The following CLPSL1 variants were observed in gnomAD, a reference collection of about 807,000 sequenced individuals.
CLPSL1 encodes the protein colipase-like protein 1.
CLPSL1 carries 13 observed loss-of-function variants against 9.3 expected under a neutral mutation model. That is an observed-to-expected ratio of 1.40 (90% CI 0.91 to 2.22). The LOEUF (loss-of-function observed/expected upper bound fraction) is 2.22, where lower values mean the gene tolerates loss of function less well. Among genes scored for constraint, CLPSL1 ranks in the 30% most tolerant of loss-of-function variants. The pLI is 0.00. For synonymous variants in CLPSL1, 58 were observed against 56.9 expected, an observed-to-expected ratio of 1.02 and a Z score of -0.08; for missense variants, 164 against 146.6, an observed-to-expected ratio of 1.12 and a Z score of -0.61.
chr6:35,791,562 C>G (rs900724230), downstream of CLPSL1, among the ~76,000 whole-genome samples: 1 of 151,530 alleles, frequency 6.6e-6, no homozygotes, highest in Admixed American at 6.6e-5. Context: ...GAGCCGAGAT[C>G]GTGCCATTGC....
chr6:35,783,175 T>C (rs950211028), intron 1 of CLPSL1, among the ~76,000 whole-genome samples: 2 of 152,080 alleles, frequency 1.3e-5, no homozygotes, highest in Non-Finnish European at 2.9e-5. Context: ...TATAGATTAG[T>C]TTTGAACTTT....
At chr6:35,781,873 G>A (rs1767974227) in intron 1 of CLPSL1, among the ~76,000 whole-genome samples, 1 of 151,878 alleles carries the variant, frequency 6.6e-6, no homozygotes, top group African/African-American at 2.4e-5. Flanking sequence ...AGCCTCCCGA[G>A]TAGCTGAGAT....
downstream of CLPSL1, among the ~76,000 whole-genome samples, chr6:35,788,603 C>T (rs549448916): frequency 3.5e-4 from 53 of 152,312 alleles, no homozygotes; most frequent in East Asian, 6.0e-3. Context: ...GGTAGGGAAA[C>T]GGGTTGAGCA....
downstream of CLPSL1, among the ~76,000 whole-genome samples, chr6:35,790,071 T>A (rs1209405361): frequency 6.6e-6 from 1 of 152,184 alleles, no homozygotes; most frequent in Non-Finnish European, 1.5e-5. Flanking sequence ...GGACCACAGG[T>A]GTGCGCTACC....
downstream of CLPSL1, among the ~76,000 whole-genome samples, chr6:35,794,019 G>T (rs1768275818): frequency 6.6e-6 from 1 of 152,230 alleles, no homozygotes; most frequent in Non-Finnish European, 1.5e-5. Context: ...AATTGGGAAA[G>T]AAAAAGGAAT....
chr6:35,791,756 C>A (rs370488995), downstream of CLPSL1, among the ~76,000 whole-genome samples: 1 of 152,214 alleles, frequency 6.6e-6, no homozygotes, highest in African/African-American at 2.4e-5. Flanking sequence ...CATGGTGAAA[C>A]CCCATCTCCA....
intron 1 of CLPSL1, 26 bp from the exon 2 acceptor site, chr6:35,786,959 GGGCGGTGGAGCCT>G (rs1301559537): frequency 3.9e-6 from 6 of 1,551,708 alleles, no homozygotes; most frequent in African/African-American, 1.4e-5. Flanking sequence ...GGCGGAAGGC[GGGCGGTGGAGCCT>G]GGCGGTGCCG....
At chr6:35,784,831 G>C (rs1768036731) in intron 1 of CLPSL1, among the ~76,000 whole-genome samples, 1 of 152,192 alleles carries the variant, frequency 6.6e-6, no homozygotes. Flanking sequence ...TTCAACTGAG[G>C]GGCATAAAGC....
intron 2 of CLPSL1, among the ~76,000 whole-genome samples, chr6:35,787,499 C>T (rs1005460311): frequency 2.0e-5 from 3 of 152,246 alleles, no homozygotes; most frequent in African/African-American, 7.2e-5. Flanking sequence ...CCCGGGTGTT[C>T]CTGGTGGAGG....
chr6:35,791,661 TG>T (rs1768213077), downstream of CLPSL1, among the ~76,000 whole-genome samples: 1 of 151,652 alleles, frequency 6.6e-6, no homozygotes, highest in Admixed American at 6.6e-5. Flanking sequence ...GCAGGTGTGG[TG>T]GCTTGTGCCT....
At chr6:35,790,869 T>C (rs1279023566), downstream of CLPSL1, among the ~76,000 whole-genome samples, 2 of 152,206 alleles carry the variant, frequency 1.3e-5, no homozygotes, top group Non-Finnish European at 2.9e-5. Context: ...TGCGAAACCC[T>C]GTGTCTGAAA....
chr6:35,792,744 G>A (rs1449434353), downstream of CLPSL1, among the ~76,000 whole-genome samples: 1 of 152,236 alleles, frequency 6.6e-6, no homozygotes, highest in Non-Finnish European at 1.5e-5. Flanking sequence ...TCCAAAACAC[G>A]GTGCCAGGCA....
downstream of CLPSL1, among the ~76,000 whole-genome samples, chr6:35,788,753 CTG>C (rs1454810773): frequency 5.3e-5 from 8 of 152,330 alleles, no homozygotes; most frequent in East Asian, 9.6e-4. Context: ...GGAGCAGCGA[CTG>C]TGGTGTGGGG....
chr6:35,793,210 G>C (rs1329266998), intron 1 of CLPSL1, among the ~76,000 whole-genome samples: 1 of 152,208 alleles, frequency 6.6e-6, no homozygotes. Context: ...GATCACCTGA[G>C]GTAAGGAATT....
chr6:35,785,947 A>AC (rs1491346854), intron 1 of CLPSL1, among the ~76,000 whole-genome samples: 1 of 4,002 alleles, frequency 2.5e-4, no homozygotes, highest in Non-Finnish European at 8.4e-4. Flanking sequence ...AGACTTTGTC[A>AC]AAAAAAAAAA....
downstream of CLPSL1, among the ~76,000 whole-genome samples, chr6:35,791,791 G>T (rs992714888): frequency 2.0e-5 from 3 of 152,164 alleles, no homozygotes; most frequent in South Asian, 6.2e-4. Flanking sequence ...ATTAACTCCG[G>T]GCATGGAGGC....
At chr6:35,782,489 T>G (rs1007821045) in intron 1 of CLPSL1, among the ~76,000 whole-genome samples, 2 of 152,196 alleles carry the variant, frequency 1.3e-5, no homozygotes, top group African/African-American at 4.8e-5. Flanking sequence ...TAAGATGATT[T>G]CAGAGAGTCA....
chr6:35,789,616 GAGCACGGTGGCTCATGCCTGTAATCCC>G (rs1196541500), downstream of CLPSL1, among the ~76,000 whole-genome samples: 8 of 152,258 alleles, frequency 5.3e-5, no homozygotes, highest in Non-Finnish European at 1.2e-4. Flanking sequence ...GCTCTGGACC[GAGCACGGTGGCTCATGCCTGTAATCCC>G]AGCACTGTGG....
chr6:35,781,895 A>T (rs923430338), intron 1 of CLPSL1, among the ~76,000 whole-genome samples: 1 of 151,676 alleles, frequency 6.6e-6, no homozygotes, highest in Non-Finnish European at 1.5e-5. Context: ...ACAGGCACCC[A>T]CTGCCACGCC....
Sources: allele counts gnomAD v4.1 joint callset (sites outside exome capture counted in the v4.1 genomes callset), GRCh38; gene constraint gnomAD v4.1.1; transcripts MANE v1.5; gene names NCBI Gene and HGNC (gene_info 2026-07-23, HGNC 2026-07-21).